ARHGAP8: variants seen among roughly 807,000 people sequenced by gnomAD.
ARHGAP8 encodes the protein Rho GTPase activating protein 8, also known as rho GTPase-activating protein 8.
In ARHGAP8, 62 loss-of-function variants were observed where a neutral mutation model predicts 46.1. The observed-to-expected ratio is 1.34, with a 90% confidence interval of 1.10 to 1.66. ARHGAP8 has a LOEUF of 1.66. Among genes scored for constraint, ARHGAP8 ranks in the 40% most tolerant of loss-of-function variants. The pLI, the probability that ARHGAP8 is intolerant of heterozygous loss-of-function variation, is 0.00. For synonymous variants in ARHGAP8, 375 were observed against 243.1 expected (o/e 1.54, Z -5.05); for missense variants, 923 against 568.4 (o/e 1.62, Z -6.34).
intron 7 of ARHGAP8, among the ~76,000 whole-genome samples, chr22:44,839,324 A>G (rs8137481): frequency 0.047 from 7,171 of 152,258 alleles, 521 homozygotes; most frequent in African/African-American, 0.16. Context: ...AGTGTCCCCA[A>G]CGTGAAGCTT....
chr22:44,840,959 G>A (rs1442058821), intron 7 of ARHGAP8, among the ~76,000 whole-genome samples: 2 of 152,216 alleles, frequency 1.3e-5, no homozygotes. Context: ...CTGAGTACCT[G>A]GTGAGTACCT....
At chr22:44,773,171 T>C (rs1926171810) in intron 1 of ARHGAP8, among the ~76,000 whole-genome samples, 1 of 152,204 alleles carries the variant, frequency 6.6e-6, no homozygotes, top group Non-Finnish European at 1.5e-5. Flanking sequence ...CTATTCAGGT[T>C]ATCAGTTTCT....
At chr22:44,767,064 C>T (rs1224735513) in intron 1 of ARHGAP8, among the ~76,000 whole-genome samples, 2 of 152,218 alleles carry the variant, frequency 1.3e-5, no homozygotes, top group African/African-American at 4.8e-5. Context: ...GAGCCATCCT[C>T]AGGCTGGTTT....
At chr22:44,810,423 G>A (rs902085671) in intron 4 of ARHGAP8, among the ~76,000 whole-genome samples, 13 of 152,076 alleles carry the variant, frequency 8.5e-5, no homozygotes, top group Non-Finnish European at 1.5e-4. Flanking sequence ...TGTATTTTTA[G>A]TAGAGACGGG....
At chr22:44,854,082 G>A (rs947281084) in intron 10 of ARHGAP8, among the ~76,000 whole-genome samples, 1 of 138,222 alleles carries the variant, frequency 7.2e-6, no homozygotes, top group African/African-American at 2.8e-5. Context: ...TTTGCCTGCA[G>A]TATCTGTAGA....
intron 7 of ARHGAP8, among the ~76,000 whole-genome samples, chr22:44,834,424 ATC>A (rs1268232616): frequency 3.3e-5 from 5 of 151,994 alleles, no homozygotes; most frequent in African/African-American, 7.2e-5. Flanking sequence ...ATTTTCACAT[ATC>A]TGTTTTTGAT....
chr22:44,774,632 C>G (rs533407502), intron 1 of ARHGAP8, among the ~76,000 whole-genome samples: 10 of 150,268 alleles, frequency 6.7e-5, no homozygotes, highest in African/African-American at 2.4e-4. Flanking sequence ...AAGTGATTCT[C>G]CTGCCTCAGC....
chr22:44,756,217 C>G (rs912387490), intron 1 of ARHGAP8, among the ~76,000 whole-genome samples: 1 of 152,036 alleles, frequency 6.6e-6, no homozygotes, highest in Non-Finnish European at 1.5e-5. Context: ...GGTAGCTCCC[C>G]GCTCCCTTCC....
chr22:44,852,744 A>G (rs1323702624), intron 10 of ARHGAP8, among the ~76,000 whole-genome samples: 1 of 152,184 alleles, frequency 6.6e-6, no homozygotes, highest in Non-Finnish European at 1.5e-5. Context: ...GTCAACAAAC[A>G]TGAAGTTCAG....
At chr22:44,774,347 G>A (rs538075554) in intron 1 of ARHGAP8, among the ~76,000 whole-genome samples, 71 of 152,200 alleles carry the variant, frequency 4.7e-4, no homozygotes, top group African/African-American at 1.5e-3. Flanking sequence ...TATCACTGCC[G>A]ATGTCTGTGC....
At chr22:44,809,628 C>T in intron 4 of ARHGAP8, 1 of 178,668 alleles carries the variant, frequency 5.6e-6, no homozygotes, top group Non-Finnish European at 1.2e-5. Flanking sequence ...CCCTCTCCCA[C>T]CCAACGCTAC....
chr22:44,824,749 C>G (rs1174217574), intron 6 of ARHGAP8, among the ~76,000 whole-genome samples: 4 of 151,694 alleles, frequency 2.6e-5, no homozygotes, highest in Non-Finnish European at 2.9e-5. Flanking sequence ...TCTCCTACCT[C>G]AGCCTCCCGA....
intron 7 of ARHGAP8, among the ~76,000 whole-genome samples, chr22:44,842,442 G>C (rs189046853): frequency 2.6e-5 from 4 of 152,212 alleles, no homozygotes; most frequent in African/African-American, 9.6e-5. Context: ...CCTAGACATA[G>C]ATTCACTGGA....
rs368256843 is a variant in ARHGAP8, at chr22:44,771,242, A to ATTTTT, written c.-71-15197_-71-15193dup. On this transcript the variant is annotated intron_variant, in intron 1 of 11. Coordinates refer to ENST00000356099, the MANE Select transcript of ARHGAP8 (RefSeq NM_181335.3). Reference sequence around the variant, plus strand: ...AGATGATCATGTAGTTTGCAAGTAAATTTTTTTTTTTTTTTTTTTTTTGAG... The same window carrying ATTTTT: ...AGATGATCATGTAGTTTGCAAGTAAATTTTTTTTTTTTTTTTTTTTTTTTTTTGAG... Among the ~76,000 whole-genome samples the ATTTTT allele has an allele frequency of 2.9e-3, 319 of 108,272 alleles. 1 individual carries two copies. The highest frequency in any genetic ancestry group is 3.6e-3 in the Non-Finnish European group (201 of 55,950). 71.0% of individuals were successfully genotyped at this position (108,272 alleles called of 152,430 possible). A position where few individuals can be genotyped will look rare whatever the true frequency, so the allele number is the denominator to read the frequency against.
chr22:44,782,073 G>C (rs1278673936), intron 1 of ARHGAP8, among the ~76,000 whole-genome samples: 1 of 152,080 alleles, frequency 6.6e-6, no homozygotes, highest in Non-Finnish European at 1.5e-5. Context: ...GGTGGCTCAC[G>C]CCTATAATCC....
chr22:44,833,932 G>C (rs1931122852), intron 7 of ARHGAP8, among the ~76,000 whole-genome samples: 1 of 152,048 alleles, frequency 6.6e-6, no homozygotes, highest in Non-Finnish European at 1.5e-5. Context: ...TTTCTAATTA[G>C]TTGGCATGTA....
At chr22:44,800,035 C>T (rs28703873) in intron 2 of ARHGAP8, among the ~76,000 whole-genome samples, 3 of 150,668 alleles carry the variant, frequency 2.0e-5, no homozygotes, top group Non-Finnish European at 2.9e-5. Context: ...TCTGCAGGCA[C>T]GGAGGATGGT....
In ARHGAP8 at chr22:44,752,640, G is replaced by A. The variant is rs1342847197; in HGVS notation, c.-72+13G>A. The A allele has an allele frequency of 1.3e-5, 2 of 151,706 alleles. No homozygotes were observed. The highest frequency in any genetic ancestry group is 2.9e-5 in the Non-Finnish European group (2 of 67,968). The allele number at this position is 151,706 out of a possible 1,614,324, so 9.4% of individuals were successfully genotyped here. ...GGTCCGTGGCCAGGTAAGGCGGGCG[G>A]CGGCGGGAGGGAGCGCGCAGGGAGG... On this transcript the variant is annotated intron_variant, in intron 1 of 11. Transcript: ENST00000356099.
intron 10 of ARHGAP8, among the ~76,000 whole-genome samples, chr22:44,857,820 A>C (rs1033902870): frequency 5.3e-5 from 8 of 152,010 alleles, no homozygotes; most frequent in Non-Finnish European, 1.2e-4. Context: ...TCCTCTCTCT[A>C]CACTGGGGTG....
Sources: gnomAD v4.1 joint callset for allele counts (sites outside exome capture counted in the v4.1 genomes callset) on GRCh38, gnomAD v4.1.1 for gene constraint, MANE v1.5 for transcripts, NCBI Gene and HGNC (gene_info 2026-07-23, HGNC 2026-07-21) for gene names.